The following GMDS variants were observed in gnomAD, a reference collection of about 807,000 sequenced individuals.
The protein encoded by GMDS is GDP-mannose 4,6 dehydratase.
A neutral mutation model predicts 49.9 loss-of-function variants in GMDS; 20 were observed. That is an observed-to-expected ratio of 0.40 (90% CI 0.28 to 0.58). GMDS has a LOEUF of 0.58. GMDS is among the 20% of genes least tolerant of loss of function. The pLI, the probability that GMDS is intolerant of heterozygous loss-of-function variation, is 0.42. For synonymous variants in GMDS, 177 were observed against 178.6 expected, an observed-to-expected ratio of 0.99 and a Z score of 0.07; for missense variants, 362 against 481.4, an observed-to-expected ratio of 0.75 and a Z score of 2.32.
intron 4 of GMDS, among the ~76,000 whole-genome samples, chr6:1,975,158 A>G (rs1447609400): frequency 6.6e-6 from 1 of 152,198 alleles, no homozygotes. Flanking sequence ...ATGGCAGCAC[A>G]CCACATAAAG....
At chr6:2,221,384 G>C (rs987466853) in intron 1 of GMDS, among the ~76,000 whole-genome samples, 1 of 150,732 alleles carries the variant, frequency 6.6e-6, no homozygotes, top group African/African-American at 2.5e-5. Context: ...CATCTAAAAT[G>C]TTCTTTTTTT....
At chr6:1,893,763 G>T (rs761679859) in intron 7 of GMDS, among the ~76,000 whole-genome samples, 1 of 152,190 alleles carries the variant, frequency 6.6e-6, no homozygotes, top group African/African-American at 2.4e-5. Flanking sequence ...TTATTCAGAG[G>T]GGGTGGAGGT....
At chr6:2,221,092 G>A (rs1406165278) in intron 1 of GMDS, among the ~76,000 whole-genome samples, 1 of 152,182 alleles carries the variant, frequency 6.6e-6, no homozygotes, top group Non-Finnish European at 1.5e-5. Context: ...TCAGGAGACT[G>A]AGGTGGGAGG....
At chr6:1,844,583 CA>C (rs1418921981) in intron 7 of GMDS, among the ~76,000 whole-genome samples, 6 of 152,062 alleles carry the variant, frequency 3.9e-5, no homozygotes, top group African/African-American at 1.4e-4. Flanking sequence ...GAAAATATTT[CA>C]AAACTTTGTA....
chr6:2,043,865 G>GAA (rs149832809), intron 4 of GMDS, among the ~76,000 whole-genome samples: 2 of 149,506 alleles, frequency 1.3e-5, no homozygotes, highest in Non-Finnish European at 1.5e-5. Context: ...CAAATTTGCA[G>GAA]AAAAAAAAAC....
intron 9 of GMDS, among the ~76,000 whole-genome samples, chr6:1,708,390 G>C (rs563183417): frequency 1.3e-3 from 204 of 152,306 alleles, no homozygotes; most frequent in African/African-American, 4.7e-3. Flanking sequence ...TAGGGGGCTT[G>C]CACTCGAAAC....
chr6:1,897,235 G>A (rs551092222), intron 7 of GMDS, among the ~76,000 whole-genome samples: 1 of 152,298 alleles, frequency 6.6e-6, no homozygotes, highest in African/African-American at 2.4e-5. Flanking sequence ...TTTCCTCAGT[G>A]TGCACGTACT....
chr6:2,112,841 C>T (rs1160946387), intron 4 of GMDS, among the ~76,000 whole-genome samples: 1 of 152,084 alleles, frequency 6.6e-6, no homozygotes. Flanking sequence ...ACTGCCATGG[C>T]ACAATCCCAC....
At chr6:2,075,029 A>C (rs1772246360) in intron 4 of GMDS, among the ~76,000 whole-genome samples, 1 of 152,188 alleles carries the variant, frequency 6.6e-6, no homozygotes, top group Non-Finnish European at 1.5e-5. Flanking sequence ...ATATGATGAT[A>C]TTTTGATTAC....
chr6:1,695,610 A>T (rs1765310383), intron 9 of GMDS, among the ~76,000 whole-genome samples: 1 of 152,218 alleles, frequency 6.6e-6, no homozygotes, highest in Admixed American at 6.5e-5. Context: ...CATCAGCATC[A>T]GCATGTGGCC....
In GMDS at chr6:1,831,186, C is replaced by T. The variant is rs561797491; in HGVS notation, c.772-88600G>A. ...TGGCTTTCTTCCCTCTAAATCATTC[C>T]GCTGGTTACACTGGCCTCCTGGACG... On this transcript the variant is annotated intron_variant, in intron 7 of 10. Transcript: ENST00000380815. Among the ~76,000 whole-genome samples, 188 of 152,298 alleles carry T rather than the reference C, an allele frequency of 1.2e-3. 2 individuals carry two copies. The highest frequency in any genetic ancestry group is 2.0e-3 in the Non-Finnish European group (135 of 68,026).
chr6:2,031,947 A>G (rs968319568), intron 4 of GMDS, among the ~76,000 whole-genome samples: 5 of 152,196 alleles, frequency 3.3e-5, no homozygotes, highest in African/African-American at 1.2e-4. Flanking sequence ...CCTTATGAAA[A>G]CATTAGCCAT....
chr6:2,124,694 C>T lies in GMDS; in HGVS notation c.140G>A (p.Gly47Asp), dbSNP rs777998104. 1.3e-5 allele frequency: 21 copies of T among 1,613,750 alleles called. No homozygotes were observed. The highest frequency in any genetic ancestry group is 1.8e-5 in the Non-Finnish European group (21 of 1,179,766). The change falls in exon 2 of 11, where the codon GGC becomes GAC. Residue 47 changes from glycine to aspartate, a missense_variant. By Grantham distance (94) the Gly-to-Asp change is moderately conservative (BLOSUM62 -1). Transcript: ENST00000380815. ...SYLAEFLLEK[G>D]YEVHGIVRRS... is the part of the protein sequence containing the mutation. ...TCCCATTGAGTCACCCACCTCATAG[C>T]CTTTCTCCAGCAGGAACTCAGCCAG...
At chr6:2,130,196 A>G (rs1775655113) in intron 1 of GMDS, among the ~76,000 whole-genome samples, 1 of 152,242 alleles carries the variant, frequency 6.6e-6, no homozygotes, top group South Asian at 2.1e-4. Context: ...AATAGAGCCA[A>G]TAATTATCAA....
At chr6:1,638,257 A>G (rs1464777793) in intron 9 of GMDS, among the ~76,000 whole-genome samples, 1 of 152,198 alleles carries the variant, frequency 6.6e-6, no homozygotes, top group Non-Finnish European at 1.5e-5. Context: ...ACACTAAAAA[A>G]GCCTGATGCC....
intron 4 of GMDS, among the ~76,000 whole-genome samples, chr6:2,056,983 T>C (rs1387306383): frequency 6.6e-6 from 1 of 152,244 alleles, no homozygotes; most frequent in African/African-American, 2.4e-5. Context: ...AAATACAGCA[T>C]TACTGCCCAT....
chr6:2,026,702 A>G (rs1440769330), intron 4 of GMDS, among the ~76,000 whole-genome samples: 1 of 152,232 alleles, frequency 6.6e-6, no homozygotes, highest in Non-Finnish European at 1.5e-5. Flanking sequence ...TGGTTTGGAT[A>G]ATGCTGATGG....
chr6:1,951,563 A>AT (rs1339732445), intron 6 of GMDS, among the ~76,000 whole-genome samples: 1 of 151,960 alleles, frequency 6.6e-6, no homozygotes, highest in South Asian at 2.1e-4. Context: ...TTAATGTTTT[A>AT]TTTTTTATTT....
chr6:1,651,151 C>T (rs1299227529), intron 9 of GMDS, among the ~76,000 whole-genome samples: 2 of 152,312 alleles, frequency 1.3e-5, no homozygotes, highest in South Asian at 4.1e-4. Flanking sequence ...TGCTGGGCCG[C>T]AGCTCCACCA....
Sources: allele counts gnomAD v4.1 joint callset (sites outside exome capture counted in the v4.1 genomes callset), GRCh38; gene constraint gnomAD v4.1.1; transcripts MANE v1.5; gene names NCBI Gene and HGNC (gene_info 2026-07-23, HGNC 2026-07-21).